Variants in GPD2 observed in about 807,000 individuals in gnomAD.
The protein encoded by GPD2 is glycerol-3-phosphate dehydrogenase, mitochondrial.
In GPD2, 54 loss-of-function variants were observed where a neutral mutation model predicts 82.4. That is an observed-to-expected ratio of 0.66 (90% confidence interval 0.53 to 0.82). GPD2 has a LOEUF of 0.82. Ranked by LOEUF, GPD2 falls within the 40% of genes least tolerant of loss-of-function variation. The pLI is 0.00. For missense variants in GPD2, 748 were observed against 896.2 expected (o/e 0.83, Z 2.11); for synonymous variants, 288 against 306.1 (o/e 0.94, Z 0.62).
chr2:156,459,554 G>A (rs562643162), intron 1 of GPD2, among the ~76,000 whole-genome samples: 23 of 151,908 alleles, frequency 1.5e-4, no homozygotes, highest in African/African-American at 5.1e-4. Flanking sequence ...TGGGCATGGT[G>A]GCGCATGCCT....
At chr2:156,544,434 C>T (rs1430307558) in intron 6 of GPD2, among the ~76,000 whole-genome samples, 1 of 152,120 alleles carries the variant, frequency 6.6e-6, no homozygotes, top group African/African-American at 2.4e-5. Context: ...ACTGTGAGGA[C>T]TCAAGGCAAA....
chr2:156,432,948 T>A (rs749799961), upstream of GPD2, among the ~76,000 whole-genome samples: 1 of 152,188 alleles, frequency 6.6e-6, no homozygotes, highest in African/African-American at 2.4e-5. Flanking sequence ...GATGCCAACA[T>A]CTTTCTGCTG....
chr2:156,439,539 AC>A (rs58799356), intron 1 of GPD2, among the ~76,000 whole-genome samples: 8,138 of 42,554 alleles, frequency 0.19, 3,240 homozygotes, highest in East Asian at 0.35. Context: ...AAAAAAAAAA[AC>A]AAAAAAAAAA....
chr2:156,467,697 A>G (rs1683195800), intron 1 of GPD2, among the ~76,000 whole-genome samples: 1 of 152,224 alleles, frequency 6.6e-6, no homozygotes, highest in South Asian at 2.1e-4. Flanking sequence ...TTTCCTGTCC[A>G]GTCTTGGCCT....
the GPD2 span, among the ~76,000 whole-genome samples, chr2:156,422,455 G>A: frequency 6.6e-6 from 1 of 151,668 alleles, no homozygotes; most frequent in Non-Finnish European, 1.5e-5. Flanking sequence ...GGCAGGCTGG[G>A]CACAGTGGCT....
the GPD2 span, among the ~76,000 whole-genome samples, chr2:156,422,450 G>A: frequency 6.6e-6 from 1 of 151,864 alleles, no homozygotes. Flanking sequence ...ATGCAGGCAG[G>A]CTGGGCACAG....
intron 7 of GPD2, among the ~76,000 whole-genome samples, chr2:156,550,019 T>C (rs1451349364): frequency 6.6e-6 from 1 of 152,132 alleles, no homozygotes; most frequent in African/African-American, 2.4e-5. Flanking sequence ...CCCACCAAAT[T>C]CCCACAGCTA....
rs184906852 is a variant in GPD2 at position 156,541,753 on chromosome 2, C to T, written c.662-7855C>T. 2.7e-3 allele frequency among the ~76,000 whole-genome samples: 401 copies of T among 150,410 alleles called. 1 individual carries two copies. The highest frequency in any genetic ancestry group is 4.6e-3 in the Non-Finnish European group (313 of 67,770). On this transcript the variant is annotated intron_variant, in intron 6 of 16. Transcript: ENST00000438166. ...CATGTCTTGCTTCCTGACTTTCCAA[C>T]TTCACTTCAATTAATTTTGTCACAT...
chr2:156,472,617 C>T (rs298264), intron 1 of GPD2, among the ~76,000 whole-genome samples: 1 of 151,940 alleles, frequency 6.6e-6, no homozygotes, highest in Non-Finnish European at 1.5e-5. Flanking sequence ...CCACCGTGCC[C>T]GGCCCTAAAA....
At chr2:156,447,322 T>A (rs1682401597) in intron 1 of GPD2, among the ~76,000 whole-genome samples, 1 of 152,160 alleles carries the variant, frequency 6.6e-6, no homozygotes, top group African/African-American at 2.4e-5. Flanking sequence ...GTCTTCGATC[T>A]CAGATGAATC....
chr2:156,578,943 C>T lies in GPD2; in HGVS notation c.1822C>T (p.Arg608Ter), dbSNP rs1417856483. The change falls in exon 14 of 17, where the codon CGA becomes TGA. Residue 608 changes from arginine to a stop codon, truncating the protein, a stop_gained. Coordinates refer to ENST00000438166, the MANE Select transcript of GPD2 (RefSeq NM_000408.5). LOFTEE classifies it high-confidence loss of function. Reference protein sequence around the residue: ...FLYYEMGYKSRSEQLTDRSEI... With the variant: ...FLYYEMGYKS Reference sequence around the variant, plus strand: ...ATATTATGAAATGGGCTATAAATCTCGATCAGAACAGTTAACAGATCGCTC... The same window carrying T: ...ATATTATGAAATGGGCTATAAATCTTGATCAGAACAGTTAACAGATCGCTC... 9 of 1,612,054 alleles carry T rather than the reference C, an allele frequency of 5.6e-6. No homozygotes were observed. Among genetic ancestry groups the T allele is most frequent in the Non-Finnish European group, 7.6e-6 (9 of 1,178,488 alleles).
intron 1 of GPD2, among the ~76,000 whole-genome samples, chr2:156,450,770 G>A (rs1250382250): frequency 2.1e-5 from 2 of 95,590 alleles, no homozygotes; most frequent in Non-Finnish European, 4.2e-5. Context: ...ATAAACAAGT[G>A]AACAAAGGTC....
chr2:156,447,034 T>C (rs1158217581), intron 1 of GPD2, among the ~76,000 whole-genome samples: 1 of 152,176 alleles, frequency 6.6e-6, no homozygotes, highest in East Asian at 1.9e-4. Context: ...TCAGATGCCT[T>C]ATTCTATGAC....
At chr2:156,486,287 C>G (rs1186155009) in intron 2 of GPD2, among the ~76,000 whole-genome samples, 1 of 152,152 alleles carries the variant, frequency 6.6e-6, no homozygotes, top group African/African-American at 2.4e-5. Context: ...CACATCAGGC[C>G]TTCGAGGAGT....
chr2:156,513,196 C>G, intron 5 of GPD2, 137 bp from the exon 6 acceptor site: 1 of 745,438 alleles, frequency 1.3e-6, no homozygotes, highest in South Asian at 1.4e-5. Context: ...AAAACAGTTG[C>G]ATAAGTCTGT....
the GPD2 span, among the ~76,000 whole-genome samples, chr2:156,427,009 A>C: frequency 2.6e-5 from 4 of 152,186 alleles, no homozygotes; most frequent in Non-Finnish European, 4.4e-5. Context: ...CAGAGGGAGA[A>C]ATTGGATTGT....
intron 1 of GPD2, among the ~76,000 whole-genome samples, chr2:156,466,330 G>C (rs114694344): frequency 1.3e-5 from 2 of 152,218 alleles, no homozygotes; most frequent in Admixed American, 6.5e-5. Context: ...TATAGCAATT[G>C]TATGGAAAGC....
At chr2:156,571,844 A>G (rs1687652443) in intron 13 of GPD2, among the ~76,000 whole-genome samples, 1 of 152,136 alleles carries the variant, frequency 6.6e-6, no homozygotes, top group African/African-American at 2.4e-5. Context: ...TAATTAACCC[A>G]AACTCTTGTG....
At chr2:156,404,894 G>A in the GPD2 span, among the ~76,000 whole-genome samples, 1 of 150,818 alleles carries the variant, frequency 6.6e-6, no homozygotes, top group African/African-American at 2.4e-5. Context: ...AGAGAAATTC[G>A]TCGATGATGA....
Sources: allele counts gnomAD v4.1 joint callset (sites outside exome capture counted in the v4.1 genomes callset), GRCh38; gene constraint gnomAD v4.1.1; transcripts MANE v1.5; gene names NCBI Gene and HGNC (gene_info 2026-07-23, HGNC 2026-07-21).